The following CCDC171 variants were observed in gnomAD, a reference collection of about 807,000 sequenced individuals.
CCDC171 encodes the protein coiled-coil domain containing 171.
In CCDC171, 177 loss-of-function variants were observed where a neutral mutation model predicts 168.2. The observed-to-expected ratio is 1.05, with a 90% CI of 0.93 to 1.19. The LOEUF (loss-of-function observed/expected upper bound fraction) is 1.19, where lower values mean the gene tolerates loss of function less well. CCDC171 is among the 50% of genes most tolerant of loss of function. The pLI, the probability that CCDC171 is intolerant of heterozygous loss-of-function variation, is 0.00. For missense variants in CCDC171, 1,991 were observed against 1,539.0 expected (o/e 1.29, Z -4.91); for synonymous variants, 687 against 540.8 (o/e 1.27, Z -3.75).
intron 11 of CCDC171, among the ~76,000 whole-genome samples, chr9:15,710,660 A>C (rs957663106): frequency 6.6e-6 from 1 of 150,862 alleles, no homozygotes; most frequent in Non-Finnish European, 1.5e-5. Context: ...CGGTGGCACA[A>C]TCTCAGCTCA....
chr9:15,988,815 G>A (rs1400325181), intron 3 of CCDC171, among the ~76,000 whole-genome samples: 1 of 152,182 alleles, frequency 6.6e-6, no homozygotes, highest in Non-Finnish European at 1.5e-5. Flanking sequence ...CCAAGCCCAT[G>A]GAGCCTCACC....
chr9:15,602,926 G>T (rs907267564), intron 6 of CCDC171, among the ~76,000 whole-genome samples: 3 of 152,016 alleles, frequency 2.0e-5, no homozygotes, highest in Non-Finnish European at 4.4e-5. Context: ...CCAAAGTGCT[G>T]AGATTACAGG....
At chr9:16,036,547 G>A (rs1385692195) in intron 8 of CCDC171, among the ~76,000 whole-genome samples, 1 of 152,240 alleles carries the variant, frequency 6.6e-6, no homozygotes, top group Non-Finnish European at 1.5e-5. Context: ...AGGAGGCTGA[G>A]GCAGGAGAAT....
At chr9:16,103,673 C>A in the CCDC171 span, among the ~76,000 whole-genome samples, 1 of 152,178 alleles carries the variant, frequency 6.6e-6, no homozygotes, top group Non-Finnish European at 1.5e-5. Flanking sequence ...GGGATGTGAG[C>A]TCAGCAAGGG....
intron 11 of CCDC171, among the ~76,000 whole-genome samples, chr9:15,711,461 A>T (rs536426843): frequency 1.3e-5 from 2 of 152,216 alleles, no homozygotes; most frequent in East Asian, 3.9e-4. Flanking sequence ...TGCCTTTACT[A>T]GGCTTGTTCT....
chr9:15,633,557 C>G (rs572234273), intron 7 of CCDC171, among the ~76,000 whole-genome samples: 3 of 152,256 alleles, frequency 2.0e-5, no homozygotes, highest in East Asian at 3.9e-4. Flanking sequence ...GAAATAGGAA[C>G]ACTTTTACAC....
chr9:15,594,019 G>T (rs576135627), intron 5 of CCDC171, 22 bp from the exon 6 acceptor site: 1 of 1,545,740 alleles, frequency 6.5e-7, no homozygotes, highest in African/African-American at 1.4e-5. Context: ...TAACAGTAAA[G>T]CAAGATTTTA....
At chr9:16,092,044 A>T in the CCDC171 span, among the ~76,000 whole-genome samples, 4 of 152,146 alleles carry the variant, frequency 2.6e-5, no homozygotes, top group Non-Finnish European at 5.9e-5. Flanking sequence ...TAAGTGGTAC[A>T]TTTATCCCAA....
intron 1 of CCDC171, among the ~76,000 whole-genome samples, chr9:16,051,596 T>A (rs969791690): frequency 6.6e-6 from 1 of 152,182 alleles, no homozygotes; most frequent in South Asian, 2.1e-4. Flanking sequence ...GTCCACACCA[T>A]TGAAAAACAA....
chr9:16,010,483 G>C (rs1191718287), intron 3 of CCDC171, among the ~76,000 whole-genome samples: 2 of 152,048 alleles, frequency 1.3e-5, no homozygotes, highest in Non-Finnish European at 2.9e-5. Context: ...TCTGGAATCA[G>C]TGAGGAAGCT....
chr9:15,617,316 T>C (rs773797626), intron 6 of CCDC171, among the ~76,000 whole-genome samples: 15 of 152,096 alleles, frequency 9.9e-5, no homozygotes, highest in Admixed American at 2.6e-4. Flanking sequence ...TCCTTATCTT[T>C]GTGGATTTAT....
At chr9:15,605,112 G>C (rs1438824065) in intron 6 of CCDC171, among the ~76,000 whole-genome samples, 1 of 151,978 alleles carries the variant, frequency 6.6e-6, no homozygotes, top group Non-Finnish European at 1.5e-5. Flanking sequence ...GCCTAGGCTG[G>C]TCTTGAATTC....
At chr9:15,709,444 G>A (rs1466606905) in intron 11 of CCDC171, among the ~76,000 whole-genome samples, 1 of 151,992 alleles carries the variant, frequency 6.6e-6, no homozygotes, top group Non-Finnish European at 1.5e-5. Flanking sequence ...AACAGATAAG[G>A]AAAGAAAAAC....
At chr9:15,623,447 G>A (rs769072082) in intron 7 of CCDC171, 34 bp downstream of exon 7, 27 of 1,324,600 alleles carry the variant, frequency 2.0e-5, no homozygotes, top group African/African-American at 7.9e-5. Flanking sequence ...ATATATATGC[G>A]TACAAACTTT....
chr9:15,779,798 T>G (rs1204514939), intron 20 of CCDC171, among the ~76,000 whole-genome samples: 1 of 152,328 alleles, frequency 6.6e-6, no homozygotes, highest in East Asian at 1.9e-4. Context: ...AGAAAATAGC[T>G]GAAAAAGCAC....
chr9:15,612,280 A>C (rs763036753), intron 6 of CCDC171, among the ~76,000 whole-genome samples: 1 of 152,144 alleles, frequency 6.6e-6, no homozygotes, highest in Non-Finnish European at 1.5e-5. Flanking sequence ...CCGCATTTAG[A>C]AAAGATGAAA....
chr9:15,724,356 A>G (rs7038920), intron 13 of CCDC171, among the ~76,000 whole-genome samples: 144,639 of 152,308 alleles, frequency 0.95, 68,711 homozygotes, highest in East Asian at 1. Context: ...CAGTTCAGCA[A>G]AATTTTGTGC....
At position 15,723,723 on chromosome 9, in the gene CCDC171, G is replaced by A; in HGVS notation, c.1468G>A (p.Asp490Asn). 2 of 1,552,604 alleles carry A rather than the reference G, an allele frequency of 1.3e-6. No homozygotes were observed. Among genetic ancestry groups the A allele is most frequent in the South Asian group, 2.3e-5 (2 of 87,020 alleles). The change falls in exon 13 of 26, where the codon GAC becomes AAC. Residue 490 changes from aspartate (D) to asparagine (N), a missense_variant. Coordinates refer to ENST00000380701, the MANE Select transcript of CCDC171 (RefSeq NM_173550.4). ...ACTTGATTCTACGAAACAGAAGATA[G>A]ACTCTCACACTAAAAATATAAAGGT... is the stretch of plus-strand genomic sequence containing the variant. ...NELDSTKQKIDSHTKNIKELQ... is the reference protein window; with the variant it reads ...NELDSTKQKINSHTKNIKELQ...
chr9:16,019,299 G>A (rs1462830140), intron 3 of CCDC171, among the ~76,000 whole-genome samples: 1 of 152,178 alleles, frequency 6.6e-6, no homozygotes, highest in East Asian at 1.9e-4. Flanking sequence ...TATGAGTGGT[G>A]GGGATGAATC....
Sources: allele counts gnomAD v4.1 joint callset (sites outside exome capture counted in the v4.1 genomes callset), GRCh38; gene constraint gnomAD v4.1.1; transcripts MANE v1.5; gene names NCBI Gene and HGNC (gene_info 2026-07-23, HGNC 2026-07-21).